The following MMRN2 variants were observed in gnomAD, a reference collection of about 807,000 sequenced individuals.
MMRN2 encodes multimerin 2.
Under a neutral mutation model 68.8 loss-of-function variants are expected in MMRN2, and 53 were observed. That is an observed-to-expected ratio of 0.77 (90% CI 0.62 to 0.97). The LOEUF is 0.97. Among genes scored for constraint, MMRN2 ranks in the 50% least tolerant of loss-of-function variants. The pLI is 0.00. For missense variants in MMRN2, 1,266 were observed against 1,259.5 expected (o/e 1.01, Z -0.08); for synonymous variants, 564 against 551.6 (o/e 1.02, Z -0.32).
Position 86,945,580 on chromosome 10 carries a change from A to G in MMRN2, c.274T>C (p.Cys92Arg). 1 of 1,603,540 alleles carries G rather than the reference A, an allele frequency of 6.2e-7. No homozygotes were observed. The highest frequency in any genetic ancestry group is 1.3e-5 in the African/African-American group (1 of 74,956). Residue 92 changes from cysteine to arginine, a missense_variant, in exon 2 of 7, where the codon TGC (cysteine) becomes CGC (arginine). Physicochemically the swap from Cys to Arg is radical, Grantham distance 180. Coordinates refer to ENST00000372027, the MANE Select transcript of MMRN2 (RefSeq NM_024756.3). Reference protein sequence around the residue: ...QQPCPQGAPDCQKVKVMYRMA... With the variant: ...QQPCPQGAPDRQKVKVMYRMA... The stretch of plus-strand genomic sequence containing the variant: ...ACTCACATGACTTTGACTTTCTGGC[A>G]GTCTGGAGCTCCCTGCGGACACGGC...
chr10:86,948,085 G>A (rs10887674), intron 1 of MMRN2, among the ~76,000 whole-genome samples: 84,134 of 151,786 alleles, frequency 0.55, 23,520 homozygotes, highest in East Asian at 0.78. Flanking sequence ...AATTAGCCAG[G>A]TGTGGTGGCG....
chr10:86,952,212 G>T (rs889064536), intron 1 of MMRN2, among the ~76,000 whole-genome samples: 6 of 152,160 alleles, frequency 3.9e-5, no homozygotes, highest in African/African-American at 1.4e-4. Flanking sequence ...ATCTCCAAGG[G>T]ATCAGTCAAC....
At chr10:86,939,831 G>T (rs1369310173) in intron 6 of MMRN2, among the ~76,000 whole-genome samples, 1,737 of 135,364 alleles carry the variant, frequency 0.013, 24 homozygotes, top group African/African-American at 0.043. Flanking sequence ...GTGTGTGTGT[G>T]TGTGTGTTTG....
chr10:86,947,380 T>A (rs1456956872), intron 1 of MMRN2, among the ~76,000 whole-genome samples: 1 of 151,860 alleles, frequency 6.6e-6, no homozygotes, highest in African/African-American at 2.4e-5. Flanking sequence ...TGACTTTTTT[T>A]TTTTTGAGAC....
Position 86,944,371 on chromosome 10 carries a change from TCC to T in MMRN2, c.544_545del (p.Gly182ArgfsTer5). The T allele has an allele frequency of 6.2e-7, 1 of 1,614,042 alleles. No homozygotes were observed. The highest frequency in any genetic ancestry group is 8.5e-7 in the Non-Finnish European group (1 of 1,180,034). On this transcript the variant is annotated frameshift_variant, in exon 5 of 7. Coordinates refer to ENST00000372027, the MANE Select transcript of MMRN2 (RefSeq NM_024756.3). LOFTEE classifies it high-confidence loss of function. ...CCCGGTGCACATCATTCTGGAGATC[TCC>T]CAGCAGATGTTCCTGCTGTTCCTGT... Reference protein sequence around the residue: ...VQQEQQEHLLGDLQNDVHRVA... With the variant: ...VQQEQQEHLLXDLQNDVHRVA...
At chr10:86,956,986 C>T (rs1844244948) in intron 1 of MMRN2, among the ~76,000 whole-genome samples, 1 of 152,230 alleles carries the variant, frequency 6.6e-6, no homozygotes, top group Admixed American at 6.5e-5. Context: ...GAACTCAGAT[C>T]AAAATCTCAG....
In MMRN2 at chr10:86,936,872, T is replaced by C; in HGVS notation, c.2721A>G (p.Thr907=). Residue 907 remains threonine, a synonymous_variant, in exon 7 of 7, where the codon ACA becomes ACG. Coordinates refer to ENST00000372027, the MANE Select transcript of MMRN2 (RefSeq NM_024756.3). ...GCTCAGCCATGGCAAAGACCGTTGC[T>C]GTGCTTCCACTCCCCTGCCCAGTGG... The part of the protein sequence containing the change: ...VCTTGQGSGS[T]ATVFAMAELQ... The C allele has an allele frequency of 6.2e-7, 1 of 1,614,244 alleles. No homozygotes were observed. Among genetic ancestry groups the C allele is most frequent in the Non-Finnish European group, 8.5e-7 (1 of 1,180,042 alleles).
At chr10:86,937,278 A>G (rs1221634927) in intron 6 of MMRN2, among the ~76,000 whole-genome samples, 153 bp from the exon 7 acceptor site, 1 of 152,242 alleles carries the variant, frequency 6.6e-6, no homozygotes, top group African/African-American at 2.4e-5. Context: ...GTGTTATTGC[A>G]GGAGAAAAGC....
At chr10:86,955,050 A>G (rs1164446554) in intron 1 of MMRN2, among the ~76,000 whole-genome samples, 1 of 152,196 alleles carries the variant, frequency 6.6e-6, no homozygotes, top group Non-Finnish European at 1.5e-5. Flanking sequence ...TGCTGGCAGC[A>G]GCATCCCCTA....
At position 86,943,637 on chromosome 10, in the gene MMRN2, G is replaced by T. The variant is rs769585175; in HGVS notation, c.1147C>A (p.Leu383Met). 1 of 1,613,428 alleles carries T rather than the reference G, an allele frequency of 6.2e-7. No homozygotes were observed. Among genetic ancestry groups the T allele is most frequent in the East Asian group, 2.2e-5 (1 of 44,882 alleles). Residue 383 changes from leucine (L) to methionine (M), a missense_variant, in exon 6 of 7, where the codon CTG (leucine) becomes ATG (methionine). Leu to Met is a conservative substitution (Grantham distance 15, BLOSUM62 2). Coordinates refer to ENST00000372027, the MANE Select transcript of MMRN2 (RefSeq NM_024756.3). The surrounding 1 kb of genome is among the most constrained non-coding windows in gnomAD (Gnocchi z 4.2). Reference sequence around the variant, plus strand: ...TCCCTGCGGGCCGTGGTCATGTGCAGCTCTGAGAGGTTCCTCTGCAGCTGG... The same window carrying T: ...TCCCTGCGGGCCGTGGTCATGTGCATCTCTGAGAGGTTCCTCTGCAGCTGG... ...LGQLQRNLSE[L>M]HMTTARREEE...
chr10:86,944,054 TG>T lies in MMRN2; in HGVS notation c.729del (p.Ile244SerfsTer16). The part of the protein sequence containing the change: ...VDTFLQVHFS[P>X]IWRSFNQSLH... ...AGGCTTTGGTTAAAGCTCCTCCAGATGGGGCTGAAATGCACTTGTAGGAAGG... is the reference window on the plus strand; with the variant it reads ...AGGCTTTGGTTAAAGCTCCTCCAGATGGGCTGAAATGCACTTGTAGGAAGG... On this transcript the variant is annotated frameshift_variant, in exon 6 of 7. Transcript: ENST00000372027. LOFTEE classifies it high-confidence loss of function. 6.2e-7 allele frequency: 1 copy of T among 1,614,086 alleles called. No individual in the cohort carries two copies. Among genetic ancestry groups the T allele is most frequent in the South Asian group, 1.1e-5 (1 of 91,078 alleles).
intron 6 of MMRN2, among the ~76,000 whole-genome samples, chr10:86,939,533 T>C (rs1175639684): frequency 6.9e-6 from 1 of 145,234 alleles, no homozygotes. Flanking sequence ...GCCTCTGCAA[T>C]TCCCCTAACA....
At chr10:86,956,789 A>G (rs1313975255) in intron 1 of MMRN2, among the ~76,000 whole-genome samples, 1 of 152,228 alleles carries the variant, frequency 6.6e-6, no homozygotes, top group Non-Finnish European at 1.5e-5. Context: ...TACAGGCCCA[A>G]CACCTCATCA....
rs907071186 is a variant in MMRN2, at chr10:86,937,577, G to T, written c.2468-452C>A. On this transcript the variant is annotated intron_variant, in intron 6 of 6. Coordinates refer to ENST00000372027, the MANE Select transcript of MMRN2 (RefSeq NM_024756.3). ...GTTGGGCTTGCAGGTGAGCCACCAT[G>T]CCCAGCCACAAAGCACTTTCTCGTT... 1.1e-4 allele frequency among the ~76,000 whole-genome samples: 17 copies of T among 152,078 alleles called. No homozygotes were observed. In the South Asian group the frequency reaches 3.5e-3, roughly 32 times the overall value.
In MMRN2 at chr10:86,936,338, A is replaced by G; in HGVS notation, c.*405T>C. 1 of 427,826 alleles carries G rather than the reference A, an allele frequency of 2.3e-6. No homozygotes were observed. Among genetic ancestry groups the G allele is most frequent in the Non-Finnish European group, 4.1e-6 (1 of 243,198 alleles). The allele number at this position is 427,826 out of a possible 1,614,324, so 26.5% of individuals were successfully genotyped here. ...TCCTCCTGGGGAAGAATGTCTTTCT[A>G]TCATACGATAAGGGAGAAGAGAAGA... On this transcript the variant is annotated 3_prime_UTR_variant, in exon 7 of 7. Transcript: ENST00000372027.
chr10:86,942,296 C>T, intron 6 of MMRN2, 21 bp downstream of exon 6: 1 of 1,583,242 alleles, frequency 6.3e-7, no homozygotes, highest in Non-Finnish European at 8.6e-7. Flanking sequence ...CTCGTCCAGT[C>T]TCCCCAGCCC....
Position 86,957,582 on chromosome 10 carries a change from A to G in MMRN2, c.-41T>C, listed in dbSNP as rs1589310199. ...GGCTCAGCTCACACTCAGCCTTGGC[A>G]AGTAGCTCCAGAAACTGCTAGTGAC... On this transcript the variant is annotated 5_prime_UTR_variant, in exon 1 of 7. Transcript: ENST00000372027. 7.1e-6 allele frequency: 11 copies of G among 1,556,466 alleles called. No individual in the cohort carries two copies. Among genetic ancestry groups the G allele is most frequent in the Non-Finnish European group, 9.5e-6 (11 of 1,154,746 alleles).
chr10:86,953,804 C>T (rs1197848866), intron 1 of MMRN2, among the ~76,000 whole-genome samples: 1 of 152,242 alleles, frequency 6.6e-6, no homozygotes, highest in African/African-American at 2.4e-5. Context: ...GCGTGTGCCC[C>T]AGGCACGCCT....
At chr10:86,942,166 A>G in intron 6 of MMRN2, 151 bp downstream of exon 6, 1 of 886,222 alleles carries the variant, frequency 1.1e-6, no homozygotes, top group Non-Finnish European at 1.6e-6. Flanking sequence ...ACCCCTGAGA[A>G]GCAGGTGGGC....
Sources: allele counts gnomAD v4.1 joint callset (sites outside exome capture counted in the v4.1 genomes callset), GRCh38; gene constraint gnomAD v4.1.1; non-coding constraint Gnocchi (gnomAD v3.1); transcripts MANE v1.5; gene names NCBI Gene and HGNC (gene_info 2026-07-23, HGNC 2026-07-21).